The following TMEM87B variants were observed in gnomAD, a reference collection of about 807,000 sequenced individuals.
The protein encoded by TMEM87B is transmembrane protein 87B.
A neutral mutation model predicts 80.3 loss-of-function variants in TMEM87B; 83 were observed. That is an observed-to-expected ratio of 1.03 (90% CI 0.87 to 1.24). The LOEUF (loss-of-function observed/expected upper bound fraction) is 1.24. Among genes scored for constraint, TMEM87B ranks in the 50% most tolerant of loss-of-function variants. TMEM87B has a pLI of 0.00. For synonymous variants in TMEM87B, 219 were observed against 230.5 expected, an observed-to-expected ratio of 0.95 and a Z score of 0.45; for missense variants, 625 against 674.4, an observed-to-expected ratio of 0.93 and a Z score of 0.81.
At chr2:112,081,170 A>C in intron 7 of TMEM87B, 52 bp downstream of exon 7, 10 of 1,556,418 alleles carry the variant, frequency 6.4e-6, no homozygotes, top group Non-Finnish European at 7.9e-6. Context: ...TTTATACCCT[A>C]AGAGCTTTGT....
Position 112,089,710 on chromosome 2 carries a change from G to A in TMEM87B, c.1024G>A (p.Val342Ile). The A allele has an allele frequency of 1.9e-6, 3 of 1,614,062 alleles. No individual in the cohort carries two copies. Among genetic ancestry groups the A allele is most frequent in the Non-Finnish European group, 2.5e-6 (3 of 1,179,922 alleles). The change falls in exon 10 of 19, where the codon GTC (valine) becomes ATC (isoleucine). Residue 342 changes from valine (V) to isoleucine (I), a missense_variant. Physicochemically the swap from Val to Ile is conservative, Grantham distance 29. Transcript: ENST00000283206. ...TGCAGCTGTTGAAGGCGTGATGAGA[G>A]TCATTGGGGTAAAAACTACATTATT... Reference protein sequence around the residue: ...IFAAVEGVMRVIGGSNHLAVV... With the variant: ...IFAAVEGVMRIIGGSNHLAVV...
At chr2:112,093,263 C>T (rs1343356990) in intron 11 of TMEM87B, among the ~76,000 whole-genome samples, 1 of 152,190 alleles carries the variant, frequency 6.6e-6, no homozygotes, top group Non-Finnish European at 1.5e-5. Context: ...TCTCAATATG[C>T]TTCCAACTTA....
At position 112,067,004 on chromosome 2, in the gene TMEM87B, T is replaced by C. The variant is rs2104459334; in HGVS notation, c.387T>C (p.Cys129=). Reference sequence around the variant, plus strand: ...GTCATTATTTGAAGAATGACAACTGTTGGACAACAAAAAATGAAAACTTAG... The same window carrying C: ...GTCATTATTTGAAGAATGACAACTGCTGGACAACAAAAAATGAAAACTTAG... The part of the protein sequence containing the change: ...DFCHYLKNDN[C]WTTKNENLDC... Residue 129 remains cysteine (C), a synonymous_variant, in exon 4 of 19, where the codon TGT becomes TGC. Transcript: ENST00000283206. The C allele has an allele frequency of 3.1e-6, 5 of 1,612,252 alleles. No homozygotes were observed. The highest frequency in any genetic ancestry group is 1.1e-5 in the South Asian group (1 of 90,400).
chr2:112,085,533 C>A (rs1476729814), intron 8 of TMEM87B, among the ~76,000 whole-genome samples: 1 of 152,146 alleles, frequency 6.6e-6, no homozygotes. Context: ...ATTTACTTAG[C>A]CTAACCAGAG....
chr2:112,076,193 AG>A (rs1678808039), intron 5 of TMEM87B, among the ~76,000 whole-genome samples: 1 of 152,162 alleles, frequency 6.6e-6, no homozygotes, highest in Non-Finnish European at 1.5e-5. Flanking sequence ...CTGAGGTTGC[AG>A]TGAGACAAGA....
intron 8 of TMEM87B, among the ~76,000 whole-genome samples, chr2:112,084,209 G>A (rs184402363): frequency 7.0e-4 from 106 of 152,254 alleles, no homozygotes; most frequent in African/African-American, 2.1e-3. Context: ...CTCAAGAGGA[G>A]TATAGACAGC....
intron 8 of TMEM87B, among the ~76,000 whole-genome samples, chr2:112,082,301 G>A (rs369536317): frequency 2.0e-4 from 31 of 152,212 alleles, no homozygotes; most frequent in African/African-American, 5.5e-4. Context: ...TCTGTTGCCC[G>A]GTCTAGAGTG....
intron 18 of TMEM87B, 74 bp downstream of exon 18, chr2:112,113,003 C>G (rs780439000): frequency 8.3e-6 from 11 of 1,329,126 alleles, no homozygotes; most frequent in African/African-American, 2.9e-5. Context: ...GAAAGAAGTT[C>G]TGAAAGCTAC....
intron 6 of TMEM87B, 60 bp from the exon 7 acceptor site, chr2:112,080,997 A>G: frequency 6.8e-7 from 1 of 1,469,014 alleles, no homozygotes; most frequent in Non-Finnish European, 9.4e-7. Context: ...TGGGAAATGA[A>G]CTTACATTTA....
At chr2:112,085,071 G>A (rs567356580) in intron 8 of TMEM87B, among the ~76,000 whole-genome samples, 1 of 152,180 alleles carries the variant, frequency 6.6e-6, no homozygotes, top group Non-Finnish European at 1.5e-5. Flanking sequence ...CAGATGTAGG[G>A]CCAGATTTGG....
At chr2:112,079,415 C>A (rs1272527779) in intron 6 of TMEM87B, among the ~76,000 whole-genome samples, 2 of 152,180 alleles carry the variant, frequency 1.3e-5, no homozygotes, top group Non-Finnish European at 2.9e-5. Flanking sequence ...TTTTCCAGTT[C>A]CATCCATGTT....
chr2:112,096,902 T>A lies in TMEM87B; in HGVS notation c.1105-142T>A. 4.8e-6 allele frequency: 3 copies of A among 622,366 alleles called. No individual in the cohort carries two copies. In the South Asian group the frequency reaches 6.1e-5, roughly 13 times the overall value. The allele number at this position is 622,366 out of a possible 1,614,324, so 38.6% of individuals were successfully genotyped here. On this transcript the variant is annotated intron_variant, in intron 11 of 18. Transcript: ENST00000283206. The stretch of plus-strand genomic sequence containing the variant: ...AATGATTGTACAATATTGGCCAAGA[T>A]AACATTTTCTGTGTTTTCATTAGCT...
At chr2:112,094,158 GTTC>G (rs1679387559) in intron 11 of TMEM87B, among the ~76,000 whole-genome samples, 1 of 142,884 alleles carries the variant, frequency 7.0e-6, no homozygotes. Context: ...AAGATTTCTT[GTTC>G]TTTTTTTTTT....
At chr2:112,069,552 T>C (rs994183485) in intron 4 of TMEM87B, among the ~76,000 whole-genome samples, 3 of 152,238 alleles carry the variant, frequency 2.0e-5, no homozygotes, top group African/African-American at 7.2e-5. Context: ...CACATTTTCT[T>C]TATCCAGTCT....
At chr2:112,064,323 A>G in intron 3 of TMEM87B, 70 bp downstream of exon 3, 2 of 1,287,190 alleles carry the variant, frequency 1.6e-6, no homozygotes, top group African/African-American at 1.5e-5. Context: ...AGATTAGCTC[A>G]TCAAGCGAGG....
chr2:112,079,018 T>C (rs2104473140), intron 6 of TMEM87B, among the ~76,000 whole-genome samples: 1 of 152,316 alleles, frequency 6.6e-6, no homozygotes, highest in South Asian at 2.1e-4. Context: ...CATAAATGTA[T>C]GGGGTACAAA....
chr2:112,057,789 A>G (rs991944550), intron 1 of TMEM87B, among the ~76,000 whole-genome samples: 1 of 150,062 alleles, frequency 6.7e-6, no homozygotes, highest in Non-Finnish European at 1.5e-5. Flanking sequence ...CAAGGGGGTC[A>G]CCTAACCCTG....
At position 112,081,379 on chromosome 2, in the gene TMEM87B, C is replaced by G; in HGVS notation, c.699C>G (p.Leu233=). 6.2e-7 allele frequency: 1 copy of G among 1,613,162 alleles called. No homozygotes were observed. The highest frequency in any genetic ancestry group is 1.3e-5 in the African/African-American group (1 of 74,948). Residue 233 remains leucine (L), a synonymous_variant, in exon 8 of 19, where the codon CTC becomes CTG. Coordinates refer to ENST00000283206, the MANE Select transcript of TMEM87B (RefSeq NM_032824.3). ...MCIVYILYGI[L]WLTWSACYWK... is the part of the protein sequence containing the mutation. ...TTGTTTATATATTATATGGCATACT[C>G]TGGCTGACGTGGTCTGCCTGTTATT...
rs193093519 is a variant in TMEM87B at position 112,118,117 on chromosome 2, C to T, written c.*1974C>T. 42 of 152,322 alleles carry T rather than the reference C, an allele frequency of 2.8e-4. No individual in the cohort carries two copies. Among genetic ancestry groups the T allele is most frequent in the African/African-American group, 1.0e-3 (42 of 41,586 alleles). The allele number at this position is 152,322 out of a possible 1,614,324, so 9.4% of individuals were successfully genotyped here. A position where few individuals can be genotyped will look rare whatever the true frequency, so the allele number is the denominator to read the frequency against. ...GAATTCCCTCCTAGTAACCTCATTACAAATACTGTTACTAGAAGGGCATGT... is the reference window on the plus strand; with the variant it reads ...GAATTCCCTCCTAGTAACCTCATTATAAATACTGTTACTAGAAGGGCATGT... On this transcript the variant is annotated 3_prime_UTR_variant, in exon 19 of 19. Transcript: ENST00000283206.
Sources: allele counts gnomAD v4.1 joint callset (sites outside exome capture counted in the v4.1 genomes callset), GRCh38; gene constraint gnomAD v4.1.1; transcripts MANE v1.5; gene names NCBI Gene and HGNC (gene_info 2026-07-23, HGNC 2026-07-21).